BLTP3A: variants seen among roughly 807,000 people sequenced by gnomAD.
BLTP3A encodes the protein ICBP90 binding protein 1.
the BLTP3A span, chr6:34,875,710 C>T: frequency 1.3e-5 from 2 of 152,038 alleles, no homozygotes; most frequent in African/African-American, 4.8e-5. Flanking sequence ...TGAAATTCTC[C>T]CTCAGGAAAT....
At chr6:34,855,607 T>C in the BLTP3A span, 3 of 1,613,026 alleles carry the variant, frequency 1.9e-6, no homozygotes, top group Non-Finnish European at 2.5e-6. Flanking sequence ...CCTGTATTTT[T>C]ATTTTATAGG....
At chr6:34,833,938 A>G in the BLTP3A span, among the ~76,000 whole-genome samples, 1 of 150,892 alleles carries the variant, frequency 6.6e-6, no homozygotes, top group South Asian at 2.1e-4. Flanking sequence ...AAAAAAAAAA[A>G]AAAAAAAAAT....
the BLTP3A span, chr6:34,857,743 C>T: frequency 8.7e-6 from 14 of 1,613,958 alleles, no homozygotes; most frequent in African/African-American, 1.5e-4. Flanking sequence ...CTAATCTCTA[C>T]ATTCAGTTAA....
At chr6:34,794,321 C>T in the BLTP3A span, among the ~76,000 whole-genome samples, 4 of 147,810 alleles carry the variant, frequency 2.7e-5, no homozygotes, top group Non-Finnish European at 5.9e-5. Context: ...ATATACACTA[C>T]TGTGTACCCA....
At chr6:34,800,774 T>C in the BLTP3A span, among the ~76,000 whole-genome samples, 4 of 152,102 alleles carry the variant, frequency 2.6e-5, no homozygotes, top group African/African-American at 4.8e-5. Context: ...AAATAAGATA[T>C]ATTTATATAG....
the BLTP3A span, chr6:34,834,457 A>G: frequency 1.3e-6 from 2 of 1,597,920 alleles, no homozygotes; most frequent in Admixed American, 1.7e-5. Context: ...ATTCAAAGTC[A>G]GACTGATTCT....
the BLTP3A span, among the ~76,000 whole-genome samples, chr6:34,818,447 T>G: frequency 1.3e-5 from 2 of 151,428 alleles, no homozygotes; most frequent in East Asian, 3.9e-4. Flanking sequence ...CCAGCCTGGG[T>G]GACAGGGTGA....
At chr6:34,824,770 A>C in the BLTP3A span, among the ~76,000 whole-genome samples, 1 of 151,722 alleles carries the variant, frequency 6.6e-6, no homozygotes, top group Non-Finnish European at 1.5e-5. Flanking sequence ...TCCTGGGTTC[A>C]AGTGATTCTT....
chr6:34,835,393 G>T, the BLTP3A span: 1 of 1,614,168 alleles, frequency 6.2e-7, no homozygotes, highest in Non-Finnish European at 8.5e-7. Flanking sequence ...GATGAAGTAT[G>T]CAGAGTCACT....
At chr6:34,801,701 T>TTTTATTTA in the BLTP3A span, among the ~76,000 whole-genome samples, 37 of 150,936 alleles carry the variant, frequency 2.5e-4, 1 homozygote, top group South Asian at 4.2e-4. Flanking sequence ...CACAGCTTTA[T>TTTTATTTA]TTTATTTATT....
At chr6:34,864,502 GGT>G in the BLTP3A span, among the ~76,000 whole-genome samples, 5 of 150,030 alleles carry the variant, frequency 3.3e-5, no homozygotes, top group African/African-American at 1.2e-4. Context: ...TGGTATCAGT[GGT>G]GTGAGTGTGC....
chr6:34,835,372 C>G, the BLTP3A span: 12 of 1,614,046 alleles, frequency 7.4e-6, no homozygotes, highest in Non-Finnish European at 1.0e-5. Context: ...TGACTCACAG[C>G]TCAAGGCTAT....
the BLTP3A span, among the ~76,000 whole-genome samples, chr6:34,794,255 A>T: frequency 1.3e-5 from 2 of 152,184 alleles, no homozygotes; most frequent in South Asian, 2.1e-4. Context: ...ATTCTGCATG[A>T]TGTGTTGATT....
At chr6:34,865,530 C>CT in the BLTP3A span, among the ~76,000 whole-genome samples, 15 of 152,176 alleles carry the variant, frequency 9.9e-5, no homozygotes, top group African/African-American at 3.6e-4. Context: ...CTTTGATATA[C>CT]TTTTTTTCAT....
At chr6:34,859,186 T>G in the BLTP3A span, 1 of 1,613,988 alleles carries the variant, frequency 6.2e-7, no homozygotes, top group Non-Finnish European at 8.5e-7. Context: ...TCAGGATGTA[T>G]CCCAGGAGAG....
chr6:34,797,085 A>G, the BLTP3A span, among the ~76,000 whole-genome samples: 1 of 152,200 alleles, frequency 6.6e-6, no homozygotes, highest in African/African-American at 2.4e-5. Flanking sequence ...CATTGGGGAT[A>G]AAGTTTTTAT....
chr6:34,815,042 C>T, the BLTP3A span, among the ~76,000 whole-genome samples: 4 of 152,290 alleles, frequency 2.6e-5, no homozygotes, highest in Admixed American at 2.6e-4. Flanking sequence ...ATATCCGAAC[C>T]TCATGCTCTT....
At chr6:34,862,833 C>CA in the BLTP3A span, among the ~76,000 whole-genome samples, 20,323 of 105,226 alleles carry the variant, frequency 0.19, 1,718 homozygotes, top group African/African-American at 0.29. Flanking sequence ...GACTCCATCT[C>CA]AAAAAAAAAA....
chr6:34,860,006 T>C, the BLTP3A span, among the ~76,000 whole-genome samples: 1 of 152,210 alleles, frequency 6.6e-6, no homozygotes, highest in Middle Eastern at 3.2e-3. Context: ...TTTTTTTGTT[T>C]GATTTGATCC....
Sources: allele counts gnomAD v4.1 joint callset (sites outside exome capture counted in the v4.1 genomes callset), GRCh38; gene constraint gnomAD v4.1.1; transcripts MANE v1.5; gene names NCBI Gene and HGNC (gene_info 2026-07-23, HGNC 2026-07-21).